Variants in PHOX2B observed in about 807,000 individuals in gnomAD.
The protein encoded by PHOX2B is paired like homeobox 2B, also known as paired mesoderm homeobox protein 2B.
PHOX2B carries 1 observed loss-of-function variant against 15.5 expected under a neutral mutation model. The ratio of observed to expected loss-of-function variants is 0.06; its 90% CI spans 0.02 to 0.31. The LOEUF (loss-of-function observed/expected upper bound fraction) is 0.31. Ranked by LOEUF, PHOX2B falls within the 10% of genes least tolerant of loss-of-function variation. The probability of loss-of-function intolerance (pLI) is 1.00; values close to 1 mark genes in which losing one functional copy is unlikely to be tolerated. For synonymous variants in PHOX2B, 206 were observed against 190.5 expected, an observed-to-expected ratio of 1.08 and a Z score of -0.67; for missense variants, 314 against 436.4, an observed-to-expected ratio of 0.72 and a Z score of 2.50.
At chr4:41,747,786 G>T (rs1219189810) in intron 1 of PHOX2B, 3 of 675,038 alleles carry the variant, frequency 4.4e-6, no homozygotes, top group Admixed American at 2.0e-5. Flanking sequence ...GAAACAGCGC[G>T]ATGTGACGGA....
Position 41,745,665 on chromosome 4 carries a change from G to T in PHOX2B, c.*142C>A. The T allele has an allele frequency of 9.7e-7, 1 of 1,026,616 alleles. No homozygotes were observed. The highest frequency in any genetic ancestry group is 1.4e-6 in the Non-Finnish European group (1 of 733,416). The allele number at this position is 1,026,616 out of a possible 1,614,324, so 63.6% of individuals were successfully genotyped here. ...CGACGCCGTTTTCCCTTTATTCTTAGCGCGATTACTTTAGGCCCTCAATGA... is the reference window on the plus strand; with the variant it reads ...CGACGCCGTTTTCCCTTTATTCTTATCGCGATTACTTTAGGCCCTCAATGA... On this transcript the variant is annotated 3_prime_UTR_variant, in exon 3 of 3. Transcript: ENST00000226382. This position sits in a 1 kb window ranked among gnomAD's most constrained non-coding sequence, Gnocchi z 4.0.
rs1420633452 is a variant in PHOX2B at position 41,747,508 on chromosome 4, G to A, written c.270C>T (p.Gly90=). ...GCTGCTTGCGCTTCTCGTTGAGGCC[G>A]CCGTGGTCCGTGAAGAGTTTGTAAG... ...AVPYKLFTDH[G]GLNEKRKQRR... is the part of the protein sequence containing the mutation. Residue 90 remains glycine (G), a synonymous_variant, in exon 2 of 3, where the codon GGC becomes GGT. Transcript: ENST00000226382. The A allele has an allele frequency of 2.7e-5, 43 of 1,609,166 alleles. No individual in the cohort carries two copies. In the East Asian group the frequency reaches 8.9e-4, roughly 33 times the overall value.
In PHOX2B at chr4:41,746,006, G is replaced by A. The variant is rs752867315; in HGVS notation, c.746C>T (p.Ala249Val). 4.3e-5 allele frequency: 49 copies of A among 1,128,256 alleles called. No individual in the cohort carries two copies. Among genetic ancestry groups the A allele is most frequent in the Non-Finnish European group, 5.1e-5 (47 of 922,034 alleles). 69.9% of individuals were successfully genotyped at this position (1,128,256 alleles called of 1,614,324 possible). Residue 249 changes from alanine (A) to valine (V), a missense_variant, in exon 3 of 3, where the codon GCA becomes GTA. Transcript: ENST00000226382. ...GGAAAAAAAA[A>V]AAAAAAAAAA... is the part of the protein sequence containing the mutation. ...CGCTGCCGCTGCCGCCGCCGCCGCT[G>A]CCGCGGCCGCCGCCGCTGCTGCTGC... is the stretch of plus-strand genomic sequence containing the variant.
In PHOX2B at chr4:41,744,460, T is replaced by C. The variant is rs62412180; in HGVS notation, c.*1347A>G. 0.047 allele frequency: 11,021 copies of C among 232,450 alleles called. 316 individuals carry two copies. The highest frequency in any genetic ancestry group is 0.12 in the South Asian group (652 of 5,512). 14.4% of individuals were successfully genotyped at this position (232,450 alleles called of 1,614,324 possible). A position where few individuals can be genotyped will look rare whatever the true frequency, so the allele number is the denominator to read the frequency against. On this transcript the variant is annotated 3_prime_UTR_variant, in exon 3 of 3. Transcript: ENST00000226382. ...ACAGTCTGCACTGATATTAACACGATACAATTGAGTCACAGAACACAGTTG... is the reference window on the plus strand; with the variant it reads ...ACAGTCTGCACTGATATTAACACGACACAATTGAGTCACAGAACACAGTTG...
intron 2 of PHOX2B, 142 bp from the exon 3 acceptor site, chr4:41,746,464 C>G (rs1733903648): frequency 1.3e-6 from 1 of 779,626 alleles, no homozygotes; most frequent in African/African-American, 1.7e-5. Flanking sequence ...CACCCCCGCG[C>G]GCACATCCAC....
rs763380864 is a variant in PHOX2B, at chr4:41,745,774, TCGCCGCCGC to T, written c.*24_*32del. The stretch of plus-strand genomic sequence containing the variant: ...CGCCCGGGCCCTGGCTCGCCCGCTG[TCGCCGCCGC>T]CGCCGCCGCCGCAGGATTCCAGATC... On this transcript the variant is annotated 3_prime_UTR_variant, in exon 3 of 3. Coordinates refer to ENST00000226382, the MANE Select transcript of PHOX2B (RefSeq NM_003924.4). This position sits in a 1 kb window ranked among gnomAD's most constrained non-coding sequence, Gnocchi z 4.0. The T allele has an allele frequency of 4.4e-4, 702 of 1,585,018 alleles. No homozygotes were observed. Among genetic ancestry groups the T allele is most frequent in the Non-Finnish European group, 4.5e-4 (521 of 1,167,548 alleles).
At position 41,745,990 on chromosome 4, in the gene PHOX2B, T is replaced by A; in HGVS notation, c.762A>T (p.Ala254=). ...AAAAAAAAAA[A]AAAAAAGGLA... Reference sequence around the variant, plus strand: ...GGCCTCCAGCTGCCGCCGCTGCCGCTGCCGCCGCCGCCGCTGCCGCGGCCG... The same window carrying A: ...GGCCTCCAGCTGCCGCCGCTGCCGCAGCCGCCGCCGCCGCTGCCGCGGCCG... Residue 254 remains alanine (A), a synonymous_variant, in exon 3 of 3, where the codon GCA becomes GCT. Coordinates refer to ENST00000226382, the MANE Select transcript of PHOX2B (RefSeq NM_003924.4). The surrounding 1 kb of genome is among the most constrained non-coding windows in gnomAD (Gnocchi z 4.0). The A allele has an allele frequency of 8.1e-7, 1 of 1,235,968 alleles. No individual in the cohort carries two copies. Among genetic ancestry groups the A allele is most frequent in the African/African-American group, 1.6e-5 (1 of 62,790 alleles). The allele number at this position is 1,235,968 out of a possible 1,614,324, so 76.6% of individuals were successfully genotyped here.
Position 41,744,654 on chromosome 4 carries a change from C to T in PHOX2B, c.*1153G>A. ...CACCATACAGGATGTGAGTCCAGTT[C>T]GGATCATTCCAACAGAAATGCAAAC... On this transcript the variant is annotated 3_prime_UTR_variant, in exon 3 of 3. Transcript: ENST00000226382. 4.3e-6 allele frequency: 1 copy of T among 233,530 alleles called. No individual in the cohort carries two copies. The allele number at this position is 233,530 out of a possible 1,614,324, so 14.5% of individuals were successfully genotyped here. A position where few individuals can be genotyped will look rare whatever the true frequency, so the allele number is the denominator to read the frequency against.
In PHOX2B at chr4:41,744,261, G is replaced by C; in HGVS notation, c.*1546C>G. ...TTATGTTCACAAACATAGTCCAACA[G>C]GAAAAAAAAAGAAATCAGACAGACA... On this transcript the variant is annotated 3_prime_UTR_variant, in exon 3 of 3. Coordinates refer to ENST00000226382, the MANE Select transcript of PHOX2B (RefSeq NM_003924.4). The C allele has an allele frequency of 4.5e-6, 1 of 221,672 alleles. No homozygotes were observed. The highest frequency in any genetic ancestry group is 5.8e-5 in the Admixed American group (1 of 17,324). 13.7% of individuals were successfully genotyped at this position (221,672 alleles called of 1,614,324 possible).
intron 1 of PHOX2B, 162 bp downstream of exon 1, chr4:41,748,208 C>A: frequency 4.0e-6 from 3 of 755,366 alleles, no homozygotes; most frequent in Middle Eastern, 3.8e-4. Flanking sequence ...AAGTGAATTA[C>A]CCCTCCCTGC....
chr4:41,747,292 C>G, intron 2 of PHOX2B, 57 bp downstream of exon 2: 1 of 1,457,132 alleles, frequency 6.9e-7, no homozygotes, highest in Non-Finnish European at 9.5e-7. Flanking sequence ...CCGCCCCTCA[C>G]CCCACACCTC....
intron 1 of PHOX2B, 163 bp from the exon 2 acceptor site, chr4:41,747,699 T>C (rs1206277798): frequency 1.4e-6 from 1 of 718,180 alleles, no homozygotes; most frequent in Non-Finnish European, 2.5e-6. Flanking sequence ...CCGAGGAAAT[T>C]TGTTATCTGC....
intron 1 of PHOX2B, 179 bp from the exon 2 acceptor site, chr4:41,747,715 C>A: frequency 2.8e-6 from 2 of 708,084 alleles, no homozygotes; most frequent in Non-Finnish European, 5.1e-6. Flanking sequence ...TCTGCGGAAA[C>A]CTGGGCTCAA....
At position 41,747,405 on chromosome 4, in the gene PHOX2B, T is replaced by C. The variant is rs560843362; in HGVS notation, c.373A>G (p.Ile125Val). The C allele has an allele frequency of 5.6e-6, 9 of 1,610,452 alleles. No individual in the cohort carries two copies. The highest frequency in any genetic ancestry group is 6.8e-6 in the Non-Finnish European group (8 of 1,179,906). ...RVFAETHYPD[I>V]YTREELALKI... The stretch of plus-strand genomic sequence containing the variant: ...AGGGCCAGCTCCTCCCGAGTGTAGA[T>C]GTCGGGGTAGTGAGTCTCCGCGAAG... Residue 125 changes from isoleucine (I) to valine (V), a missense_variant, in exon 2 of 3, where the codon ATC becomes GTC. Coordinates refer to ENST00000226382, the MANE Select transcript of PHOX2B (RefSeq NM_003924.4).
At chr4:41,746,412 A>C in intron 2 of PHOX2B, 90 bp from the exon 3 acceptor site, 1 of 1,353,456 alleles carries the variant, frequency 7.4e-7, no homozygotes. Context: ...CCCAAGTTCT[A>C]CTTCGGCTTG....
Position 41,744,163 on chromosome 4 carries a change from T to A in PHOX2B, c.*1644A>T, listed in dbSNP as rs886059410. On this transcript the variant is annotated 3_prime_UTR_variant, in exon 3 of 3. Coordinates refer to ENST00000226382, the MANE Select transcript of PHOX2B (RefSeq NM_003924.4). Reference sequence around the variant, plus strand: ...AACTATATGCACATGTAGAAATATTTCCCTTTTAAATAGAAGCATTCATTA... The same window carrying A: ...AACTATATGCACATGTAGAAATATTACCCTTTTAAATAGAAGCATTCATTA... The A allele has an allele frequency of 5.1e-6, 1 of 197,938 alleles. No individual in the cohort carries two copies. Among genetic ancestry groups the A allele is most frequent in the Non-Finnish European group, 1.0e-5 (1 of 95,456 alleles). The allele number at this position is 197,938 out of a possible 1,614,324, so 12.3% of individuals were successfully genotyped here.
intron 1 of PHOX2B, among the ~76,000 whole-genome samples, chr4:41,748,074 T>C (rs1022734782): frequency 6.6e-6 from 1 of 152,232 alleles, no homozygotes; most frequent in Admixed American, 6.5e-5. Flanking sequence ...CTTTACTCTT[T>C]GTTATTTAAT....
chr4:41,747,738 G>A (rs1018721504), intron 1 of PHOX2B: 12 of 699,040 alleles, frequency 1.7e-5, no homozygotes, highest in Non-Finnish European at 3.1e-5. Flanking sequence ...TTCGGGCTTG[G>A]CGGAGTCCTT....
Position 41,746,111 on chromosome 4 carries a change from C to T in PHOX2B, c.641G>A (p.Gly214Asp). The change falls in exon 3 of 3, where the codon GGC becomes GAC. Residue 214 changes from glycine (G) to aspartate (D), a missense_variant. By Grantham distance (94) the Gly-to-Asp change is moderately conservative. This residue lies in a region of PHOX2B where 157 missense variants were observed against 169.0 expected (regional missense o/e 0.93). Transcript: ENST00000226382. ...TCCAGCCGGGCTGGGCCCGCCGCCG[C>T]CGCCTCCATTCGCCCCGCAGCTGGG... ...PTPSCGANGG[G>D]GGGPSPAGAP... 6.3e-7 allele frequency: 1 copy of T among 1,584,662 alleles called. No individual in the cohort carries two copies. The highest frequency in any genetic ancestry group is 1.4e-5 in the African/African-American group (1 of 73,080).
Sources: gnomAD v4.1 joint callset for allele counts (sites outside exome capture counted in the v4.1 genomes callset) on GRCh38, gnomAD v4.1.1 for gene constraint, gnomAD v4.1.1 regional missense constraint, Gnocchi (gnomAD v3.1) non-coding constraint, MANE v1.5 for transcripts, NCBI Gene and HGNC (gene_info 2026-07-23, HGNC 2026-07-21) for gene names.